SNX14: variants seen among roughly 807,000 people sequenced by gnomAD.
The protein encoded by SNX14 is sorting nexin-14.
In SNX14, 93 loss-of-function variants were observed where a neutral mutation model predicts 133.8. That is an observed-to-expected ratio of 0.70 (90% confidence interval 0.59 to 0.83). The LOEUF is 0.83. Among genes scored for constraint, SNX14 ranks in the 40% least tolerant of loss-of-function variants. SNX14 has a pLI of 0.00. For missense variants in SNX14, 945 were observed against 1,094.9 expected (o/e 0.86, Z 1.93); for synonymous variants, 368 against 365.6 (o/e 1.01, Z -0.07).
At chr6:85,552,872 G>T (rs1788309875) in intron 7 of SNX14, among the ~76,000 whole-genome samples, 1 of 152,310 alleles carries the variant, frequency 6.6e-6, no homozygotes, top group African/African-American at 2.4e-5. Context: ...CAGGTTTTTA[G>T]ACAAAGCCTT....
chr6:85,514,266 T>A (rs1392078463), intron 24 of SNX14, 32 bp from the exon 25 acceptor site: 7 of 1,574,402 alleles, frequency 4.4e-6, no homozygotes, highest in Non-Finnish European at 6.0e-6. Flanking sequence ...TACCTCATTG[T>A]TCCAGATGAA....
At chr6:85,570,650 CG>C (rs1454749112) in intron 4 of SNX14, among the ~76,000 whole-genome samples, 1 of 151,984 alleles carries the variant, frequency 6.6e-6, no homozygotes, top group Non-Finnish European at 1.5e-5. Flanking sequence ...GTCAGGAGTT[CG>C]AGACCAGCCT....
chr6:85,538,900 GGAAA>G (rs746446522), intron 15 of SNX14, 36 bp from the exon 16 acceptor site: 55 of 1,542,308 alleles, frequency 3.6e-5, no homozygotes, highest in Non-Finnish European at 4.5e-5. Flanking sequence ...TATAAGGAGA[GGAAA>G]GAAAGAAAGC....
chr6:85,553,873 G>C (rs1788712623), intron 7 of SNX14, among the ~76,000 whole-genome samples: 2 of 151,948 alleles, frequency 1.3e-5, no homozygotes, highest in South Asian at 4.2e-4. Context: ...ACAATATTTG[G>C]TGTGATTAAG....
intron 4 of SNX14, chr6:85,567,819 C>T: frequency 3.6e-6 from 1 of 276,244 alleles, no homozygotes; most frequent in East Asian, 1.2e-4. Context: ...CCTGTATCTA[C>T]AAAAAACAGA....
intron 6 of SNX14, chr6:85,561,093 G>C (rs1791406396): frequency 6.6e-6 from 1 of 151,504 alleles, no homozygotes; most frequent in Non-Finnish European, 1.5e-5. Flanking sequence ...CAGCATTTTG[G>C]GAAGCTGAAG....
chr6:85,536,965 A>T, intron 16 of SNX14, 41 bp from the exon 17 acceptor site: 2 of 1,577,616 alleles, frequency 1.3e-6, no homozygotes, highest in South Asian at 2.3e-5. Context: ...ATAGCAAATT[A>T]TCACAACAGT....
chr6:85,517,040 T>C (rs1775279634), intron 23 of SNX14, among the ~76,000 whole-genome samples: 1 of 152,202 alleles, frequency 6.6e-6, no homozygotes, highest in African/African-American at 2.4e-5. Context: ...ATAGCAGTCC[T>C]AGTCAGGAAT....
chr6:85,585,411 C>A (rs1279574476), intron 1 of SNX14, among the ~76,000 whole-genome samples: 2 of 151,224 alleles, frequency 1.3e-5, no homozygotes, highest in African/African-American at 2.4e-5. Flanking sequence ...ACAACAACAA[C>A]AAAAACACTG....
At chr6:85,578,786 A>T (rs2128217143) in intron 1 of SNX14, among the ~76,000 whole-genome samples, 1 of 152,316 alleles carries the variant, frequency 6.6e-6, no homozygotes, top group Middle Eastern at 3.4e-3. Context: ...GGACAGTGTG[A>T]CTGACTAAAT....
chr6:85,526,872 C>T (rs1778649454), intron 20 of SNX14, among the ~76,000 whole-genome samples: 1 of 152,056 alleles, frequency 6.6e-6, no homozygotes, highest in South Asian at 2.1e-4. Context: ...AGTTCGAGAC[C>T]AGCCTAGCCA....
At chr6:85,563,478 ACCTC>A (rs1792507816) in intron 6 of SNX14, among the ~76,000 whole-genome samples, 1 of 151,942 alleles carries the variant, frequency 6.6e-6, no homozygotes, top group South Asian at 2.1e-4. Context: ...TACAACCTCC[ACCTC>A]CCAGGTTAAA....
At position 85,549,872 on chromosome 6, in the gene SNX14, A is replaced by AT; in HGVS notation, c.641dup (p.Asn214LysfsTer27). Reference sequence around the variant, plus strand: ...AAGCAGCTTGCTGTAAAAACTCTGTATTTTTTACTATAGAGATTAAAGATA... The same window carrying AT: ...AAGCAGCTTGCTGTAAAAACTCTGTATTTTTTTACTATAGAGATTAAAGATA... On this transcript the variant is annotated frameshift_variant, in exon 8 of 29. Transcript: ENST00000314673. LOFTEE classifies it high-confidence loss of function. 1 of 1,601,486 alleles carries AT rather than the reference A, an allele frequency of 6.2e-7. No individual in the cohort carries two copies. The highest frequency in any genetic ancestry group is 8.5e-7 in the Non-Finnish European group (1 of 1,175,470).
chr6:85,519,812 T>A (rs1776224720), intron 21 of SNX14, among the ~76,000 whole-genome samples: 1 of 151,922 alleles, frequency 6.6e-6, no homozygotes, highest in Non-Finnish European at 1.5e-5. Flanking sequence ...GAGGTTGCAG[T>A]GAACTGAGAT....
At chr6:85,525,255 G>A (rs1359207977) in intron 21 of SNX14, among the ~76,000 whole-genome samples, 1 of 152,024 alleles carries the variant, frequency 6.6e-6, no homozygotes, top group Non-Finnish European at 1.5e-5. Flanking sequence ...TTAAAAAATA[G>A]ACCAAATATA....
intron 1 of SNX14, among the ~76,000 whole-genome samples, chr6:85,583,404 C>T (rs1583121426): frequency 6.6e-6 from 1 of 152,146 alleles, no homozygotes; most frequent in Non-Finnish European, 1.5e-5. Flanking sequence ...CTGGCCAGGG[C>T]AATCAGGCAA....
At chr6:85,575,380 A>G (rs1796999306) in intron 1 of SNX14, among the ~76,000 whole-genome samples, 1 of 152,218 alleles carries the variant, frequency 6.6e-6, no homozygotes, top group African/African-American at 2.4e-5. Flanking sequence ...AAATCACTAT[A>G]TAAATAACAG....
At chr6:85,576,852 G>C (rs1797502927) in intron 1 of SNX14, among the ~76,000 whole-genome samples, 1 of 152,118 alleles carries the variant, frequency 6.6e-6, no homozygotes, top group Non-Finnish European at 1.5e-5. Flanking sequence ...ATACCTATGA[G>C]ACAATTAAGA....
At chr6:85,548,166 A>G (rs1786379067) in intron 9 of SNX14, 135 bp downstream of exon 9, 1 of 631,906 alleles carries the variant, frequency 1.6e-6, no homozygotes, top group African/African-American at 1.9e-5. Flanking sequence ...AGTTCTGGAG[A>G]TGGGGAATGG....
Sources: gnomAD v4.1 joint callset for allele counts (sites outside exome capture counted in the v4.1 genomes callset) on GRCh38, gnomAD v4.1.1 for gene constraint, MANE v1.5 for transcripts, NCBI Gene and HGNC (gene_info 2026-07-23, HGNC 2026-07-21) for gene names.